Variants in TMEM268 observed in about 807,000 individuals in gnomAD.
TMEM268 encodes the protein transmembrane protein 268.
A neutral mutation model predicts 39.1 loss-of-function variants in TMEM268; 24 were observed. The ratio of observed to expected loss-of-function variants is 0.61; its 90% CI spans 0.44 to 0.86. TMEM268 has a LOEUF of 0.86. Among genes scored for constraint, TMEM268 ranks in the 40% least tolerant of loss-of-function variants. The probability of loss-of-function intolerance (pLI) is 0.00; values close to 1 mark genes in which losing one functional copy is unlikely to be tolerated. For missense variants in TMEM268, 409 were observed against 428.6 expected, an observed-to-expected ratio of 0.95 and a Z score of 0.40; for synonymous variants, 176 against 173.5, an observed-to-expected ratio of 1.01 and a Z score of -0.12.
At chr9:114,618,822 G>A (rs1325213925) in intron 2 of TMEM268, among the ~76,000 whole-genome samples, 1 of 152,144 alleles carries the variant, frequency 6.6e-6, no homozygotes, top group Non-Finnish European at 1.5e-5. Context: ...AAATAATTAT[G>A]TATAAAGTGT....
chr9:114,628,377 G>A (rs1846251099), intron 5 of TMEM268, 127 bp downstream of exon 5: 6 of 978,804 alleles, frequency 6.1e-6, no homozygotes, highest in South Asian at 1.5e-5. Flanking sequence ...TAGCCCGTAA[G>A]CCCAGTGACT....
chr9:114,621,472 A>C (rs932926957), intron 2 of TMEM268, among the ~76,000 whole-genome samples: 3 of 152,154 alleles, frequency 2.0e-5, no homozygotes, highest in African/African-American at 7.2e-5. Flanking sequence ...CCAGTGTGAG[A>C]GTGTATAGTC....
intron 6 of TMEM268, among the ~76,000 whole-genome samples, chr9:114,634,577 C>G (rs1564298004): frequency 6.6e-6 from 1 of 152,276 alleles, no homozygotes; most frequent in Admixed American, 6.5e-5. Context: ...GTTCCTCCAT[C>G]CATGCCTGAT....
intron 3 of TMEM268, among the ~76,000 whole-genome samples, chr9:114,626,061 G>C (rs980572503): frequency 6.6e-6 from 1 of 152,008 alleles, no homozygotes; most frequent in Non-Finnish European, 1.5e-5. Flanking sequence ...TCCTGATCTC[G>C]TGATCCGCCC....
upstream of TMEM268, among the ~76,000 whole-genome samples, chr9:114,607,061 G>A (rs942139340): frequency 6.6e-6 from 1 of 152,178 alleles, no homozygotes; most frequent in Non-Finnish European, 1.5e-5. Context: ...TCAGCCCTGG[G>A]TCTGTAACCC....
rs1846753472 is a variant in TMEM268, at chr9:114,638,687, G to T, written c.810G>T (p.Gln270His). The T allele has an allele frequency of 6.2e-7, 1 of 1,601,786 alleles. No individual in the cohort carries two copies. Among genetic ancestry groups the T allele is most frequent in the South Asian group, 1.1e-5 (1 of 88,956 alleles). ...GTCCTAACGAGAGGCCACTCATGCA[G>T]ACTGAGCTTCATCAGCTTGTTCCTG... The part of the protein sequence containing the change: ...NSCPNERPLM[Q>H]TELHQLVPEA... The change falls in exon 8 of 9, where the codon CAG (glutamine) becomes CAT (histidine). Residue 270 changes from glutamine (Q) to histidine (H), a missense_variant. Physicochemically the swap from Gln to His is conservative, Grantham distance 24 (BLOSUM62 0). Coordinates refer to ENST00000288502, the MANE Select transcript of TMEM268 (RefSeq NM_153045.4).
At chr9:114,614,835 A>G (rs1346189953) in intron 1 of TMEM268, among the ~76,000 whole-genome samples, 7 of 147,362 alleles carry the variant, frequency 4.8e-5, no homozygotes, top group Non-Finnish European at 8.9e-5. Flanking sequence ...TGCTGGAGGG[A>G]GTGGCACTGG....
intron 1 of TMEM268, chr9:114,615,344 C>T (rs1384955400): frequency 6.6e-6 from 1 of 152,210 alleles, no homozygotes; most frequent in Non-Finnish European, 1.5e-5. Context: ...TTGCGGCAAC[C>T]CTGTGGGGAG....
chr9:114,636,862 G>A (rs1846659219), intron 6 of TMEM268, 128 bp from the exon 7 acceptor site: 1 of 638,692 alleles, frequency 1.6e-6, no homozygotes, highest in African/African-American at 1.8e-5. Context: ...ATACAAATGA[G>A]ACATTGTCAT....
chr9:114,624,320 A>G (rs113139944), intron 2 of TMEM268, 30 bp from the exon 3 acceptor site: 1 of 1,569,696 alleles, frequency 6.4e-7, no homozygotes, highest in Non-Finnish European at 8.7e-7. Flanking sequence ...GTTATCACTC[A>G]GCCAGATGAA....
In TMEM268 at chr9:114,643,150, T is replaced by C. The variant is rs1221347048; in HGVS notation, c.866T>C (p.Leu289Pro). The C allele has an allele frequency of 6.2e-7, 1 of 1,614,080 alleles. No homozygotes were observed. Among genetic ancestry groups the C allele is most frequent in the Non-Finnish European group, 8.5e-7 (1 of 1,180,040 alleles). Residue 289 changes from leucine to proline, a missense_variant, in exon 9 of 9, where the codon CTG becomes CCG. Physicochemically the swap from Leu to Pro is moderately conservative, Grantham distance 98 (BLOSUM62 -3). Coordinates refer to ENST00000288502, the MANE Select transcript of TMEM268 (RefSeq NM_153045.4). ...CTCTTCTAGGAAATGGCCCGCCAGC[T>C]GCTGGCAGTGTTTGGCGGCTACTAC... ...EAEPEEMARQ[L>P]LAVFGGYYIR...
At chr9:114,630,502 G>A (rs910287018) in intron 5 of TMEM268, among the ~76,000 whole-genome samples, 2 of 152,156 alleles carry the variant, frequency 1.3e-5, no homozygotes, top group Non-Finnish European at 2.9e-5. Flanking sequence ...TATGCTTGGG[G>A]CTTCACGTCT....
At chr9:114,638,301 C>A (rs1198109054) in intron 7 of TMEM268, among the ~76,000 whole-genome samples, 2 of 152,188 alleles carry the variant, frequency 1.3e-5, no homozygotes, top group Non-Finnish European at 2.9e-5. Context: ...CTTGGCCTCC[C>A]AAAGTGCTGG....
chr9:114,643,463 G>C lies in TMEM268; in HGVS notation c.*150G>C, dbSNP rs1258865370. On this transcript the variant is annotated 3_prime_UTR_variant, in exon 9 of 9. Coordinates refer to ENST00000288502, the MANE Select transcript of TMEM268 (RefSeq NM_153045.4). ...CTGTGATGTCAGCCACTGGGGTGTT[G>C]TGCTCACTTCAGGGCCCAGCACAAA... 1 of 666,976 alleles carries C rather than the reference G, an allele frequency of 1.5e-6. No homozygotes were observed. Among genetic ancestry groups the C allele is most frequent in the Non-Finnish European group, 2.5e-6 (1 of 392,768 alleles). 41.3% of individuals were successfully genotyped at this position (666,976 alleles called of 1,614,324 possible).
rs199554674 is a variant in TMEM268 at position 114,637,074 on chromosome 9, A to G, written c.666+4A>G. 8 of 1,586,114 alleles carry G rather than the reference A, an allele frequency of 5.0e-6. No homozygotes were observed. Among genetic ancestry groups the G allele is most frequent in the Non-Finnish European group, 6.9e-6 (8 of 1,155,202 alleles). On this transcript the variant is annotated splice_donor_region_variant and intron_variant, in intron 7 of 8. Coordinates refer to ENST00000288502, the MANE Select transcript of TMEM268 (RefSeq NM_153045.4). ...AGAAATGAAGACTAGCCAAGAGGTA[A>G]GATATCTTCAGTGAAAAAACAAAAC...
chr9:114,629,499 A>G (rs1456919325), intron 5 of TMEM268, among the ~76,000 whole-genome samples: 2 of 152,230 alleles, frequency 1.3e-5, no homozygotes, highest in African/African-American at 4.8e-5. Flanking sequence ...GGCCAGCTGG[A>G]TAATCTGAGA....
intron 5 of TMEM268, among the ~76,000 whole-genome samples, chr9:114,633,222 C>T (rs1008294976): frequency 8.0e-5 from 12 of 150,622 alleles, no homozygotes; most frequent in East Asian, 2.0e-4. Context: ...AGTGCAGTGG[C>T]GTGATCTCTG....
At chr9:114,629,462 C>T (rs1399503817) in intron 5 of TMEM268, among the ~76,000 whole-genome samples, 1 of 152,226 alleles carries the variant, frequency 6.6e-6, no homozygotes, top group Non-Finnish European at 1.5e-5. Flanking sequence ...CCCTCTTCTA[C>T]TTTTAAGGAC....
At chr9:114,628,524 T>C (rs1045547904) in intron 5 of TMEM268, among the ~76,000 whole-genome samples, 10 of 152,300 alleles carry the variant, frequency 6.6e-5, no homozygotes, top group Middle Eastern at 3.4e-3. Flanking sequence ...GACAGTACTT[T>C]AGTTAACTGA....
Sources: allele counts gnomAD v4.1 joint callset (sites outside exome capture counted in the v4.1 genomes callset), GRCh38; gene constraint gnomAD v4.1.1; transcripts MANE v1.5; gene names NCBI Gene and HGNC (gene_info 2026-07-23, HGNC 2026-07-21).